Variants in TLN2 observed in about 807,000 individuals in gnomAD.
The protein encoded by TLN2 is talin 2.
TLN2 carries 118 observed loss-of-function variants against 294.7 expected under a neutral mutation model. That is an observed-to-expected ratio of 0.40 (90% CI 0.34 to 0.47). TLN2 has a LOEUF of 0.47. Among genes scored for constraint, TLN2 ranks in the 20% least tolerant of loss-of-function variants. The pLI is 0.84. For synonymous variants in TLN2, 1,431 were observed against 1,304.5 expected, an observed-to-expected ratio of 1.10 and a Z score of -2.09; for missense variants, 3,083 against 3,282.2, an observed-to-expected ratio of 0.94 and a Z score of 1.48.
chr15:62,711,796 A>G (rs1367490509), intron 21 of TLN2, 115 bp from the exon 22 acceptor site: 119 of 1,182,910 alleles, frequency 1.0e-4, no homozygotes, highest in Non-Finnish European at 1.3e-4. Context: ...ATGGAGGTTC[A>G]GTTTTTTTGC....
chr15:62,627,075 A>C (rs1321581585), intron 3 of TLN2, among the ~76,000 whole-genome samples: 1 of 152,202 alleles, frequency 6.6e-6, no homozygotes, highest in Non-Finnish European at 1.5e-5. Flanking sequence ...TAAAAGAATC[A>C]AGGAACATCT....
At chr15:62,562,015 TTTTTCC>T (rs2043005735) in intron 1 of TLN2, among the ~76,000 whole-genome samples, 1 of 152,218 alleles carries the variant, frequency 6.6e-6, no homozygotes. Context: ...CCTTTGCTTC[TTTTTCC>T]TTTTCAACTT....
intron 1 of TLN2, among the ~76,000 whole-genome samples, chr15:62,508,627 C>T (rs763756908): frequency 1.3e-5 from 2 of 151,970 alleles, no homozygotes; most frequent in Non-Finnish European, 2.9e-5. Flanking sequence ...TAGAGAAATA[C>T]GATTTATCAA....
chr15:62,771,065 G>T lies in TLN2; in HGVS notation c.5298G>T (p.Gln1766His). ...AGCAGCAGATGACGGTGCTGGACCA[G>T]ACCAAGACTCTCGCAGAGTCTGCCT... The part of the protein sequence containing the change: ...DHQQQMTVLD[Q>H]TKTLAESALQ... The change falls in exon 42 of 59, where the codon CAG becomes CAT. Residue 1766 changes from glutamine to histidine, a missense_variant. Transcript: ENST00000636159. 1.2e-6 allele frequency: 2 copies of T among 1,613,622 alleles called. No homozygotes were observed. Among genetic ancestry groups the T allele is most frequent in the Non-Finnish European group, 1.7e-6 (2 of 1,179,934 alleles).
intron 1 of TLN2, among the ~76,000 whole-genome samples, chr15:62,581,908 G>A (rs1017348599): frequency 6.6e-5 from 10 of 152,128 alleles, no homozygotes; most frequent in Non-Finnish European, 1.5e-4. Context: ...GCCGGGCGTA[G>A]TGGTATGAGT....
Position 62,473,346 on chromosome 15 carries a change from C to CTT in TLN2, c.-238+82673_-238+82674dup, listed in dbSNP as rs534278190. On this transcript the variant is annotated intron_variant, in intron 1 of 58. Coordinates refer to ENST00000636159, the MANE Select transcript of TLN2 (RefSeq NM_015059.3). ...GTCCCTGTCACTAACACAAAACTGTCTTTTTTTTTTTTTAAGTGCTCGATT... is the reference window on the plus strand; with the variant it reads ...GTCCCTGTCACTAACACAAAACTGTCTTTTTTTTTTTTTTTAAGTGCTCGATT... Among the ~76,000 whole-genome samples, 11 of 144,146 alleles carry CTT rather than the reference C, an allele frequency of 7.6e-5. No homozygotes were observed. In the South Asian group the frequency reaches 1.3e-3, roughly 17 times the overall value. The allele number at this position is 144,146 out of a possible 152,430, so 94.6% of individuals were successfully genotyped here.
At chr15:62,560,629 A>G (rs2042880156) in intron 1 of TLN2, among the ~76,000 whole-genome samples, 1 of 152,140 alleles carries the variant, frequency 6.6e-6, no homozygotes, top group Non-Finnish European at 1.5e-5. Flanking sequence ...CCTGGCCAAT[A>G]CCCCATGTTT....
At chr15:62,702,979 C>A in intron 19 of TLN2, 115 bp downstream of exon 19, 2 of 929,922 alleles carry the variant, frequency 2.2e-6, no homozygotes, top group Admixed American at 2.1e-5. Context: ...GTCAAGAATG[C>A]GATTGAGATG....
At position 62,840,541 on chromosome 15, in the gene TLN2, A is replaced by G; in HGVS notation, c.7560A>G (p.Lys2520=). 6.2e-7 allele frequency: 1 copy of G among 1,614,234 alleles called. No individual in the cohort carries two copies. The highest frequency in any genetic ancestry group is 8.5e-7 in the Non-Finnish European group (1 of 1,180,046). Residue 2520 remains lysine, a synonymous_variant, in exon 59 of 59, where the codon AAA becomes AAG. Coordinates refer to ENST00000636159, the MANE Select transcript of TLN2 (RefSeq NM_015059.3). ...KKERELEEAR[K]KLAQIRQQQY... Reference sequence around the variant, plus strand: ...AGCGAGAACTGGAAGAAGCAAGGAAAAAACTGGCCCAAATCCGCCAGCAGC... The same window carrying G: ...AGCGAGAACTGGAAGAAGCAAGGAAGAAACTGGCCCAAATCCGCCAGCAGC...
intron 41 of TLN2, among the ~76,000 whole-genome samples, chr15:62,770,574 T>C (rs1253235706): frequency 6.6e-6 from 1 of 152,248 alleles, no homozygotes; most frequent in Non-Finnish European, 1.5e-5. Flanking sequence ...CATCTCCTGC[T>C]TTTTTCTGCT....
rs148490846 is a variant in TLN2, at chr15:62,789,334, C to T, written c.5737-3307C>T. 6.2e-3 allele frequency among the ~76,000 whole-genome samples: 938 copies of T among 152,284 alleles called. 7 individuals carry two copies. Among genetic ancestry groups the T allele is most frequent in the South Asian group, 7.3e-3 (35 of 4,824 alleles). ...GCCTTTGCAGCTGTTGCCTCACTTA[C>T]TCTCATCCCCTTGTTTTCTGGTGCT... On this transcript the variant is annotated intron_variant, in intron 45 of 58. Coordinates refer to ENST00000636159, the MANE Select transcript of TLN2 (RefSeq NM_015059.3).
intron 12 of TLN2, among the ~76,000 whole-genome samples, chr15:62,691,648 T>C (rs1193737219): frequency 6.6e-6 from 1 of 152,106 alleles, no homozygotes; most frequent in East Asian, 1.9e-4. Context: ...TGAATATTTA[T>C]TTTTTTAAGA....
intron 3 of TLN2, chr15:62,640,097 C>T: frequency 2.2e-6 from 1 of 451,822 alleles, no homozygotes; most frequent in South Asian, 1.6e-5. Context: ...GAGGGCAAGA[C>T]CCTGGCTTTG....
chr15:62,616,308 A>G lies in TLN2; in HGVS notation c.-161-2043A>G, dbSNP rs1230468573. ...TATGCTCTTATGTCATGTCTGTTTTATTTGTCCTGTAGAGCCCGAGGATGT... is the reference window on the plus strand; with the variant it reads ...TATGCTCTTATGTCATGTCTGTTTTGTTTGTCCTGTAGAGCCCGAGGATGT... On this transcript the variant is annotated intron_variant, in intron 2 of 58. Transcript: ENST00000636159. 3.9e-5 allele frequency among the ~76,000 whole-genome samples: 6 copies of G among 152,186 alleles called. No individual in the cohort carries two copies. The East Asian group carries it at 1.2e-3, about 29-fold the overall frequency.
intron 6 of TLN2, 100 bp downstream of exon 6, chr15:62,652,234 G>A (rs1596502511): frequency 7.6e-7 from 1 of 1,314,574 alleles, no homozygotes; most frequent in Non-Finnish European, 1.0e-6. Flanking sequence ...AACTTTGAAT[G>A]TGTCTTAACA....
intron 9 of TLN2, 176 bp downstream of exon 9, chr15:62,658,074 G>T: frequency 2.0e-6 from 1 of 509,764 alleles, no homozygotes. Context: ...GAAAGCAAGA[G>T]AAATTCAGAA....
At chr15:62,696,954 C>G (rs149269088) in intron 14 of TLN2, among the ~76,000 whole-genome samples, 39 of 152,300 alleles carry the variant, frequency 2.6e-4, no homozygotes, top group African/African-American at 8.9e-4. Flanking sequence ...GATAAATGAT[C>G]TGTATCTCTG....
intron 42 of TLN2, among the ~76,000 whole-genome samples, chr15:62,772,363 A>G (rs1438490520): frequency 6.6e-6 from 1 of 152,118 alleles, no homozygotes; most frequent in African/African-American, 2.4e-5. Context: ...ACTGCCCTCA[A>G]GTTGTTCAGA....
intron 38 of TLN2, 112 bp downstream of exon 38, chr15:62,761,933 C>T: frequency 7.1e-7 from 1 of 1,400,474 alleles, no homozygotes; most frequent in Non-Finnish European, 1.0e-6. Flanking sequence ...ATGTAGGCTA[C>T]TGTTACTCTT....
Sources: gnomAD v4.1 joint callset for allele counts (sites outside exome capture counted in the v4.1 genomes callset) on GRCh38, gnomAD v4.1.1 for gene constraint, MANE v1.5 for transcripts, NCBI Gene and HGNC (gene_info 2026-07-23, HGNC 2026-07-21) for gene names.